JAM3: variants seen among roughly 807,000 people sequenced by gnomAD.
JAM3 encodes the protein junctional adhesion molecule C.
Under a neutral mutation model 39.4 loss-of-function variants are expected in JAM3, and 31 were observed. The observed-to-expected ratio is 0.79, with a 90% confidence interval of 0.59 to 1.06. The LOEUF is 1.06. JAM3 is among the 50% of genes least tolerant of loss of function. The pLI is 0.00. For synonymous variants in JAM3, 182 were observed against 148.7 expected (o/e 1.22, Z -1.63); for missense variants, 455 against 391.4 (o/e 1.16, Z -1.37).
At chr11:134,072,554 C>A (rs963441160) in intron 1 of JAM3, among the ~76,000 whole-genome samples, 1 of 152,192 alleles carries the variant, frequency 6.6e-6, no homozygotes, top group Non-Finnish European at 1.5e-5. Flanking sequence ...AAGTGACCTG[C>A]CCGCCTTGGC....
At chr11:134,123,457 C>T (rs1470158928) in intron 1 of JAM3, among the ~76,000 whole-genome samples, 2 of 152,170 alleles carry the variant, frequency 1.3e-5, no homozygotes, top group African/African-American at 4.8e-5. Context: ...GTGTGCTCCC[C>T]AGACAGATGG....
intron 1 of JAM3, among the ~76,000 whole-genome samples, chr11:134,126,989 C>G (rs553656115): frequency 7.2e-5 from 11 of 152,306 alleles, no homozygotes; most frequent in Admixed American, 2.0e-4. Context: ...AAATAAGTGG[C>G]TAGATTATAG....
intron 1 of JAM3, among the ~76,000 whole-genome samples, chr11:134,138,914 A>G (rs972282361): frequency 3.3e-5 from 5 of 152,210 alleles, no homozygotes; most frequent in Admixed American, 2.6e-4. Flanking sequence ...AGGCTGCCCA[A>G]TATGCAAGGA....
chr11:134,149,377 G>A lies in JAM3; in HGVS notation c.*196G>A, dbSNP rs573674849. 6.0e-6 allele frequency: 4 copies of A among 662,472 alleles called. No homozygotes were observed. Among genetic ancestry groups the A allele is most frequent in the African/African-American group, 3.6e-5 (2 of 55,698 alleles). 41.0% of individuals were successfully genotyped at this position (662,472 alleles called of 1,614,324 possible). A position where few individuals can be genotyped will look rare whatever the true frequency, so the allele number is the denominator to read the frequency against. On this transcript the variant is annotated 3_prime_UTR_variant, in exon 9 of 9. Transcript: ENST00000299106. Reference sequence around the variant, plus strand: ...GAATAGAAGAATTTTCCTCAAGATGGACCCGGTAAATATAACCACAAGGAA... The same window carrying A: ...GAATAGAAGAATTTTCCTCAAGATGAACCCGGTAAATATAACCACAAGGAA...
Position 134,146,003 on chromosome 11 carries a change from G to T in JAM3, c.670G>T (p.Asp224Tyr). Residue 224 changes from aspartate (D) to tyrosine (Y), a missense_variant, in exon 6 of 9, where the codon GAC (aspartate) becomes TAC (tyrosine). By Grantham distance (160) the Asp-to-Tyr change is radical (BLOSUM62 -3). Transcript: ENST00000299106. ...GCAGTACTACTGCATTGCTTCCAAT[G>T]ACGCAGGCTCAGCCAGGTGTGAGGA... ...SGQYYCIASN[D>Y]AGSARCEEQE... is the part of the protein sequence containing the mutation. 6.2e-7 allele frequency: 1 copy of T among 1,614,180 alleles called. No individual in the cohort carries two copies. The highest frequency in any genetic ancestry group is 8.5e-7 in the Non-Finnish European group (1 of 1,179,994).
In JAM3 at chr11:134,144,816, G is replaced by C. The variant is rs1943041679; in HGVS notation, c.434G>C (p.Arg145Thr). The C allele has an allele frequency of 6.2e-7, 1 of 1,614,148 alleles. No individual in the cohort carries two copies. The change falls in exon 5 of 9, where the codon AGA becomes ACA. Residue 145 changes from arginine (R) to threonine (T), a missense_variant. Transcript: ENST00000299106. Reference sequence around the variant, plus strand: ...GTGAAGCCAGTGACCCCTGTCTGTAGAGTGCCGAAGGCTGTACCAGTAGGC... The same window carrying C: ...GTGAAGCCAGTGACCCCTGTCTGTACAGTGCCGAAGGCTGTACCAGTAGGC... ...VQVKPVTPVC[R>T]VPKAVPVGKM... is the part of the protein sequence containing the mutation.
chr11:134,116,572 T>C (rs1271705701), intron 1 of JAM3, among the ~76,000 whole-genome samples: 3 of 152,208 alleles, frequency 2.0e-5, no homozygotes, highest in Non-Finnish European at 1.5e-5. Flanking sequence ...TTTAGCACTT[T>C]CTTGCTCTCT....
At chr11:134,109,924 G>C (rs1942277748) in intron 1 of JAM3, among the ~76,000 whole-genome samples, 1 of 152,210 alleles carries the variant, frequency 6.6e-6, no homozygotes, top group African/African-American at 2.4e-5. Context: ...ACAGCTTTCA[G>C]CTTAGTTTTT....
At chr11:134,115,972 G>C (rs1185108788) in intron 1 of JAM3, among the ~76,000 whole-genome samples, 1 of 152,116 alleles carries the variant, frequency 6.6e-6, no homozygotes, top group African/African-American at 2.4e-5. Flanking sequence ...ATATCAAAGG[G>C]TATATAATAT....
chr11:134,136,547 TAGA>T (rs1440920146), intron 1 of JAM3, among the ~76,000 whole-genome samples: 1 of 152,160 alleles, frequency 6.6e-6, no homozygotes, highest in African/African-American at 2.4e-5. Flanking sequence ...TATTTGGAAA[TAGA>T]AGAATTGTGA....
rs1481616923 is a variant in JAM3, at chr11:134,069,082, A to G, written c.-2A>G. 1.2e-6 allele frequency: 2 copies of G among 1,610,410 alleles called. No homozygotes were observed. Among genetic ancestry groups the G allele is most frequent in the Non-Finnish European group, 1.7e-6 (2 of 1,178,822 alleles). ...GCCGCTGGCCCCTCAGCAACCCTCG[A>G]CATGGCGCTGAGGCGGCCACCGCGA... is the stretch of plus-strand genomic sequence containing the variant. On this transcript the variant is annotated 5_prime_UTR_variant, in exon 1 of 9. Coordinates refer to ENST00000299106, the MANE Select transcript of JAM3 (RefSeq NM_032801.5).
chr11:134,096,779 GATT>G (rs1565487339), intron 1 of JAM3, among the ~76,000 whole-genome samples: 1 of 152,122 alleles, frequency 6.6e-6, no homozygotes, highest in Non-Finnish European at 1.5e-5. Context: ...AACACGATTG[GATT>G]CTTCTTTCCT....
chr11:134,069,701 T>C (rs560565590), intron 1 of JAM3, among the ~76,000 whole-genome samples: 5 of 152,240 alleles, frequency 3.3e-5, no homozygotes, highest in African/African-American at 1.2e-4. Flanking sequence ...TGGAAGACCC[T>C]GCGCAGCAGT....
chr11:134,075,457 CTA>C (rs1303517637), intron 1 of JAM3, among the ~76,000 whole-genome samples: 4 of 152,112 alleles, frequency 2.6e-5, no homozygotes, highest in South Asian at 2.1e-4. Context: ...TTACTGAAAA[CTA>C]TGTGATAAGC....
At chr11:134,088,747 A>ACAT (rs35420702) in intron 1 of JAM3, among the ~76,000 whole-genome samples, 149,995 of 152,286 alleles carry the variant, frequency 0.98, 73,882 homozygotes, top group East Asian at 1. Context: ...CTTGGTCTGC[A>ACAT]CATTAACACA....
intron 1 of JAM3, among the ~76,000 whole-genome samples, chr11:134,098,785 T>G (rs1227351368): frequency 6.6e-6 from 1 of 152,104 alleles, no homozygotes; most frequent in Non-Finnish European, 1.5e-5. Context: ...TGCTGATACT[T>G]GTGAGGGATA....
At chr11:134,141,820 A>G (rs961696302) in intron 3 of JAM3, among the ~76,000 whole-genome samples, 3 of 151,934 alleles carry the variant, frequency 2.0e-5, no homozygotes, top group Non-Finnish European at 4.4e-5. Flanking sequence ...TTCTGACAGG[A>G]GGGCGGGAGC....
chr11:134,141,512 G>A lies in JAM3; in HGVS notation c.256+742G>A, dbSNP rs116550785. Among the ~76,000 whole-genome samples, 982 of 152,156 alleles carry A rather than the reference G, an allele frequency of 6.5e-3. 12 individuals are homozygous for A. The highest frequency in any genetic ancestry group is 0.022 in the African/African-American group (924 of 41,522). ...CCAGGCAGACTGCACTGAATGCCAG[G>A]CGAGCATGGGCGGTATCTGAGGGCC... is the stretch of plus-strand genomic sequence containing the variant. On this transcript the variant is annotated intron_variant, in intron 3 of 8. Coordinates refer to ENST00000299106, the MANE Select transcript of JAM3 (RefSeq NM_032801.5).
At chr11:134,147,726 T>G (rs1355779660) in intron 6 of JAM3, 1 of 152,148 alleles carries the variant, frequency 6.6e-6, no homozygotes, top group African/African-American at 2.4e-5. Context: ...GACCTCGTGA[T>G]CTGCCCACCT....
Sources: allele counts gnomAD v4.1 joint callset (sites outside exome capture counted in the v4.1 genomes callset), GRCh38; gene constraint gnomAD v4.1.1; transcripts MANE v1.5; gene names NCBI Gene and HGNC (gene_info 2026-07-23, HGNC 2026-07-21).